The following ATXN1 variants were observed in gnomAD, a reference collection of about 807,000 sequenced individuals.
ATXN1 encodes ataxin-1.
A neutral mutation model predicts 56.4 loss-of-function variants in ATXN1; 8 were observed. The observed-to-expected ratio is 0.14, with a 90% CI of 0.08 to 0.26. ATXN1 has a LOEUF of 0.26. Among genes scored for constraint, ATXN1 ranks in the 10% least tolerant of loss-of-function variants. ATXN1 has a pLI of 1.00. For synonymous variants in ATXN1, 514 were observed against 494.6 expected, an observed-to-expected ratio of 1.04 and a Z score of -0.52; for missense variants, 987 against 1,106.5, an observed-to-expected ratio of 0.89 and a Z score of 1.53.
chr6:16,464,217 G>C (rs1760055629), intron 6 of ATXN1, among the ~76,000 whole-genome samples: 1 of 152,136 alleles, frequency 6.6e-6, no homozygotes, highest in South Asian at 2.1e-4. Flanking sequence ...TCTTACAAGA[G>C]GTTCGTAAAA....
At chr6:16,526,878 G>C (rs551813444) in intron 4 of ATXN1, among the ~76,000 whole-genome samples, 18 of 151,948 alleles carry the variant, frequency 1.2e-4, no homozygotes, top group African/African-American at 4.1e-4. Flanking sequence ...GTATTAAATC[G>C]CTAAGTCTGA....
At chr6:16,541,386 T>A (rs1020910487) in intron 4 of ATXN1, among the ~76,000 whole-genome samples, 2 of 152,252 alleles carry the variant, frequency 1.3e-5, no homozygotes, top group Non-Finnish European at 2.9e-5. Flanking sequence ...GACCTGTTCT[T>A]AGCTTCCCAG....
chr6:16,641,828 C>T (rs1002263787), intron 3 of ATXN1, among the ~76,000 whole-genome samples: 2 of 152,164 alleles, frequency 1.3e-5, no homozygotes, highest in African/African-American at 4.8e-5. Context: ...AAAGGATTCA[C>T]CATTGTAGAT....
chr6:16,514,494 C>T (rs1405011954), intron 5 of ATXN1, among the ~76,000 whole-genome samples: 1 of 152,136 alleles, frequency 6.6e-6, no homozygotes, highest in Admixed American at 6.5e-5. Flanking sequence ...TTCTCGCCCA[C>T]ATTCAAACCA....
At chr6:16,684,815 T>G (rs1561807480) in intron 2 of ATXN1, among the ~76,000 whole-genome samples, 1 of 152,022 alleles carries the variant, frequency 6.6e-6, no homozygotes, top group Non-Finnish European at 1.5e-5. Flanking sequence ...AGGATCTTAT[T>G]AGCAAGTTAA....
chr6:16,355,249 C>T (rs1761661200), intron 6 of ATXN1, among the ~76,000 whole-genome samples: 1 of 152,220 alleles, frequency 6.6e-6, no homozygotes, highest in African/African-American at 2.4e-5. Flanking sequence ...TGTACTTTTG[C>T]ACAAACTTAC....
intron 2 of ATXN1, among the ~76,000 whole-genome samples, chr6:16,743,073 G>C (rs1051584426): frequency 3.3e-5 from 5 of 152,214 alleles, no homozygotes; most frequent in Non-Finnish European, 5.9e-5. Flanking sequence ...CGATGCAATA[G>C]CTGCATTTCT....
intron 6 of ATXN1, among the ~76,000 whole-genome samples, chr6:16,431,555 G>A (rs781383506): frequency 6.6e-6 from 1 of 152,152 alleles, no homozygotes; most frequent in Non-Finnish European, 1.5e-5. Context: ...AGTAAAACTC[G>A]AGTATAATTT....
intron 2 of ATXN1, chr6:16,737,679 A>C (rs935068019): frequency 6.6e-6 from 1 of 152,226 alleles, no homozygotes; most frequent in Non-Finnish European, 1.5e-5. Context: ...CTCCAGCCAT[A>C]ATATTCAGAA....
chr6:16,576,837 G>T (rs1461390170), intron 4 of ATXN1, among the ~76,000 whole-genome samples: 1 of 152,060 alleles, frequency 6.6e-6, no homozygotes, highest in Non-Finnish European at 1.5e-5. Flanking sequence ...CCCACCCCGA[G>T]CATGCATGGA....
At chr6:16,500,358 C>T (rs973631066) in intron 5 of ATXN1, among the ~76,000 whole-genome samples, 1 of 152,146 alleles carries the variant, frequency 6.6e-6, no homozygotes, top group Non-Finnish European at 1.5e-5. Flanking sequence ...TTCAACCCCA[C>T]AGTCTGTATC....
At chr6:16,402,155 T>G (rs921676673) in intron 6 of ATXN1, among the ~76,000 whole-genome samples, 1 of 149,302 alleles carries the variant, frequency 6.7e-6, no homozygotes, top group Non-Finnish European at 1.5e-5. Flanking sequence ...GAGGTCAAGA[T>G]GAAATCTGGG....
intron 7 of ATXN1, among the ~76,000 whole-genome samples, chr6:16,318,876 G>C (rs143959633): frequency 1.4e-4 from 21 of 152,276 alleles, no homozygotes; most frequent in Non-Finnish European, 2.6e-4. Flanking sequence ...GAAGCCCTTA[G>C]GCACACAGGT....
chr6:16,759,876 C>T (rs1490328315), intron 1 of ATXN1, among the ~76,000 whole-genome samples: 1 of 152,134 alleles, frequency 6.6e-6, no homozygotes, highest in African/African-American at 2.4e-5. Context: ...AAGAAGGCAG[C>T]CTGAAGGCGG....
chr6:16,365,229 T>G (rs1396979113), intron 6 of ATXN1, among the ~76,000 whole-genome samples: 2 of 152,144 alleles, frequency 1.3e-5, no homozygotes, highest in African/African-American at 4.8e-5. Context: ...CAGGCTGGAG[T>G]GCAGTGGTGC....
chr6:16,749,522 G>T (rs1011739898), intron 2 of ATXN1, among the ~76,000 whole-genome samples: 1 of 152,146 alleles, frequency 6.6e-6, no homozygotes, highest in Non-Finnish European at 1.5e-5. Context: ...AGGAAGAGAG[G>T]TTTTGACAAG....
intron 2 of ATXN1, among the ~76,000 whole-genome samples, chr6:16,735,120 T>C (rs1304682823): frequency 6.6e-6 from 1 of 152,208 alleles, no homozygotes; most frequent in African/African-American, 2.4e-5. Context: ...AAGGTTAAAA[T>C]GGCATGCATG....
chr6:16,711,487 T>A lies in ATXN1; in HGVS notation c.-615+41746A>T, dbSNP rs561875939. 3.3e-5 allele frequency among the ~76,000 whole-genome samples: 5 copies of A among 152,168 alleles called. No homozygotes were observed. The South Asian group carries it at 1.0e-3, about 32-fold the overall frequency. On this transcript the variant is annotated intron_variant, in intron 2 of 7. Coordinates refer to ENST00000436367, the MANE Select transcript of ATXN1 (RefSeq NM_001128164.2). ...GCCAAACACTGAGAAAAAATTCATA[T>A]TTCTGATAAATGACTTAAATCCAGA... is the stretch of plus-strand genomic sequence containing the variant.
intron 7 of ATXN1, among the ~76,000 whole-genome samples, chr6:16,312,627 G>A (rs554644153): frequency 2.0e-4 from 30 of 152,176 alleles, no homozygotes; most frequent in Non-Finnish European, 3.7e-4. Flanking sequence ...GAGGCGGGCG[G>A]ATCACCTGAG....
Sources: allele counts gnomAD v4.1 joint callset (sites outside exome capture counted in the v4.1 genomes callset), GRCh38; gene constraint gnomAD v4.1.1; transcripts MANE v1.5; gene names NCBI Gene and HGNC (gene_info 2026-07-23, HGNC 2026-07-21).